Variants in PIK3R5 observed in about 807,000 individuals in gnomAD.
The protein encoded by PIK3R5 is phosphoinositide-3-kinase regulatory subunit 5.
Under a neutral mutation model 94.9 loss-of-function variants are expected in PIK3R5, and 32 were observed. The ratio of observed to expected loss-of-function variants is 0.34; its 90% CI spans 0.25 to 0.45. The LOEUF is 0.45. Ranked by LOEUF, PIK3R5 falls within the 20% of genes least tolerant of loss-of-function variation. The pLI is 1.00. For missense variants in PIK3R5, 853 were observed against 1,144.6 expected, an observed-to-expected ratio of 0.75 and a Z score of 3.68; for synonymous variants, 443 against 479.4, an observed-to-expected ratio of 0.92 and a Z score of 0.99.
intron 1 of PIK3R5, among the ~76,000 whole-genome samples, chr17:8,936,953 C>T (rs547397518): frequency 6.6e-6 from 1 of 152,230 alleles, no homozygotes; most frequent in South Asian, 2.1e-4. Flanking sequence ...ATTGTTTTCT[C>T]ATATAAATCT....
At chr17:8,931,991 C>T (rs1003640045) in intron 1 of PIK3R5, among the ~76,000 whole-genome samples, 2 of 152,114 alleles carry the variant, frequency 1.3e-5, no homozygotes, top group African/African-American at 4.8e-5. Context: ...TCCAGACGCT[C>T]AACAGTGTGG....
chr17:8,904,150 G>C lies in PIK3R5; in HGVS notation c.412+627C>G, dbSNP rs556869777. Reference sequence around the variant, plus strand: ...CCTTTGAGTACTGATTCGCTGAGCCGCTTCTCAGTAAATCACACTTGCTAA... The same window carrying C: ...CCTTTGAGTACTGATTCGCTGAGCCCCTTCTCAGTAAATCACACTTGCTAA... On this transcript the variant is annotated intron_variant, in intron 5 of 18. Transcript: ENST00000447110. This position sits in a 1 kb window ranked among gnomAD's most constrained non-coding sequence, Gnocchi z 5.1. Among the ~76,000 whole-genome samples the C allele has an allele frequency of 4.6e-5, 7 of 152,154 alleles. No homozygotes were observed. The highest frequency in any genetic ancestry group is 7.3e-5 in the Non-Finnish European group (5 of 68,028).
Position 8,888,023 on chromosome 17 carries a change from TAATAATAATAATAATAATAATAATAA to T in PIK3R5, c.1616+122_1616+147del, listed in dbSNP as rs1397183788. On this transcript the variant is annotated intron_variant, in intron 10 of 18. Transcript: ENST00000447110. This position sits in a 1 kb window ranked among gnomAD's most constrained non-coding sequence, Gnocchi z 7.8. Reference sequence around the variant, plus strand: ...CTCAAAATAATAATAATAATAATAATAATAATAATAATAATAATAATAATAAAATAAAAATAAATAAGGGAACTTTT... The same window carrying T: ...CTCAAAATAATAATAATAATAATAATAATAAAAATAAATAAGGGAACTTTT... The T allele has an allele frequency of 2.4e-5, 5 of 208,316 alleles. No individual in the cohort carries two copies. The highest frequency in any genetic ancestry group is 1.2e-4 in the African/African-American group (5 of 41,080). 12.9% of individuals were successfully genotyped at this position (208,316 alleles called of 1,614,324 possible).
chr17:8,930,641 T>C (rs1235465839), intron 1 of PIK3R5, among the ~76,000 whole-genome samples: 4 of 152,250 alleles, frequency 2.6e-5, no homozygotes, highest in Non-Finnish European at 5.9e-5. Flanking sequence ...ATTTAGAATA[T>C]GGTTCGACAG....
Position 8,880,522 on chromosome 17 carries a change from C to G in PIK3R5, c.*117G>C, listed in dbSNP as rs2089627475. On this transcript the variant is annotated 3_prime_UTR_variant, in exon 19 of 19. Coordinates refer to ENST00000447110, the MANE Select transcript of PIK3R5 (RefSeq NM_001142633.3). ...CAGCCCCTGCTCATTGCAGGACCCACAGTGGGACTATGGCTCTGCACAGGG... is the reference window on the plus strand; with the variant it reads ...CAGCCCCTGCTCATTGCAGGACCCAGAGTGGGACTATGGCTCTGCACAGGG... 1 of 1,059,074 alleles carries G rather than the reference C, an allele frequency of 9.4e-7. No homozygotes were observed. The highest frequency in any genetic ancestry group is 1.3e-6 in the Non-Finnish European group (1 of 764,020). 65.6% of individuals were successfully genotyped at this position (1,059,074 alleles called of 1,614,324 possible). A position where few individuals can be genotyped will look rare whatever the true frequency, so the allele number is the denominator to read the frequency against.
chr17:8,912,165 T>TAGCTG (rs1241292051), intron 1 of PIK3R5, among the ~76,000 whole-genome samples: 5 of 152,206 alleles, frequency 3.3e-5, no homozygotes, highest in Non-Finnish European at 1.5e-5. Flanking sequence ...AAGGGGTGCT[T>TAGCTG]AGCTGAGCTG....
chr17:8,953,593 G>C (rs2091416033), intron 1 of PIK3R5, among the ~76,000 whole-genome samples: 1 of 152,220 alleles, frequency 6.6e-6, no homozygotes, highest in Non-Finnish European at 1.5e-5. Flanking sequence ...AATGGGTTCA[G>C]AGGATGGATT....
chr17:8,917,599 C>T (rs1010421545), intron 1 of PIK3R5, among the ~76,000 whole-genome samples: 3 of 152,204 alleles, frequency 2.0e-5, no homozygotes, highest in African/African-American at 7.2e-5. Flanking sequence ...GGCATGGTGA[C>T]TCATGCCTGT....
At chr17:8,914,549 C>T (rs1356459066) in intron 1 of PIK3R5, among the ~76,000 whole-genome samples, 1 of 152,218 alleles carries the variant, frequency 6.6e-6, no homozygotes, top group Non-Finnish European at 1.5e-5. Flanking sequence ...GTTGTCAGCC[C>T]ATCTGGAAGA....
intron 1 of PIK3R5, among the ~76,000 whole-genome samples, chr17:8,926,050 T>C (rs182465395): frequency 9.2e-5 from 14 of 152,058 alleles, no homozygotes; most frequent in Admixed American, 5.9e-4. Context: ...ACCGGAAGTA[T>C]CACAAAAAGA....
At chr17:8,903,970 C>T (rs1048018553) in intron 5 of PIK3R5, among the ~76,000 whole-genome samples, 1 of 152,220 alleles carries the variant, frequency 6.6e-6, no homozygotes, top group East Asian at 1.9e-4. Flanking sequence ...CTCTAAAGAA[C>T]ATGCCTCTAG....
intron 1 of PIK3R5, among the ~76,000 whole-genome samples, chr17:8,936,669 T>C (rs904792701): frequency 6.6e-6 from 1 of 152,270 alleles, no homozygotes; most frequent in Non-Finnish European, 1.5e-5. Flanking sequence ...CAAGTCTCTA[T>C]AGCAGGTCTT....
At chr17:8,946,596 A>G (rs2091276160) in intron 1 of PIK3R5, among the ~76,000 whole-genome samples, 1 of 152,248 alleles carries the variant, frequency 6.6e-6, no homozygotes, top group Admixed American at 6.5e-5. Context: ...ATATGAGCAC[A>G]AGATGCTTTG....
chr17:8,922,073 A>G (rs2090760598), intron 1 of PIK3R5, among the ~76,000 whole-genome samples: 1 of 151,990 alleles, frequency 6.6e-6, no homozygotes, highest in African/African-American at 2.4e-5. Context: ...TAACTCAACA[A>G]CAAAAACAAA....
intron 1 of PIK3R5, among the ~76,000 whole-genome samples, chr17:8,915,218 T>C (rs1567652948): frequency 6.6e-6 from 1 of 151,184 alleles, no homozygotes; most frequent in Non-Finnish European, 1.5e-5. Flanking sequence ...AGGTCAGGAG[T>C]TTGAGACCAG....
chr17:8,942,963 T>TACAC (rs112851950), intron 1 of PIK3R5, among the ~76,000 whole-genome samples: 4,239 of 149,102 alleles, frequency 0.028, 221 homozygotes, highest in African/African-American at 0.098. Context: ...GATCACGTCA[T>TACAC]ACACACACAC....
intron 1 of PIK3R5, among the ~76,000 whole-genome samples, chr17:8,954,410 T>A (rs1179006837): frequency 6.6e-6 from 1 of 152,186 alleles, no homozygotes; most frequent in East Asian, 1.9e-4. Flanking sequence ...CCTTACTCCC[T>A]CTGAAAACAC....
At chr17:8,947,786 GTAA>G (rs1430416123) in intron 1 of PIK3R5, among the ~76,000 whole-genome samples, 1 of 152,174 alleles carries the variant, frequency 6.6e-6, no homozygotes, top group East Asian at 1.9e-4. Flanking sequence ...GCTCATGCCT[GTAA>G]TCCCAGCACT....
intron 1 of PIK3R5, among the ~76,000 whole-genome samples, chr17:8,961,545 G>T (rs1567677386): frequency 6.6e-6 from 1 of 152,182 alleles, no homozygotes; most frequent in Non-Finnish European, 1.5e-5. Flanking sequence ...TGAGACAGGA[G>T]AATTGCTTGA....
Sources: gnomAD v4.1 joint callset for allele counts (sites outside exome capture counted in the v4.1 genomes callset) on GRCh38, gnomAD v4.1.1 for gene constraint, Gnocchi (gnomAD v3.1) non-coding constraint, MANE v1.5 for transcripts, NCBI Gene and HGNC (gene_info 2026-07-23, HGNC 2026-07-21) for gene names.